Variants in DPPA4 observed in about 807,000 individuals in gnomAD.
The protein encoded by DPPA4 is developmental pluripotency associated 4.
Under a neutral mutation model 33.7 loss-of-function variants are expected in DPPA4, and 22 were observed. The observed-to-expected ratio is 0.65, with a 90% CI of 0.47 to 0.93. The LOEUF (loss-of-function observed/expected upper bound fraction) is 0.93, where lower values mean the gene tolerates loss of function less well. Among genes scored for constraint, DPPA4 ranks in the 40% least tolerant of loss-of-function variants. The pLI is 0.00. For missense variants in DPPA4, 340 were observed against 358.6 expected (o/e 0.95, Z 0.42); for synonymous variants, 156 against 132.3 (o/e 1.18, Z -1.23).
chr3:109,331,372 C>T (rs1708072648), intron 4 of DPPA4, among the ~76,000 whole-genome samples: 1 of 148,070 alleles, frequency 6.8e-6, no homozygotes, highest in African/African-American at 2.5e-5. Context: ...GCCTGTAATC[C>T]CAGCACTTTG....
At chr3:109,335,144 AT>A (rs1005973230) in intron 1 of DPPA4, among the ~76,000 whole-genome samples, 1 of 152,134 alleles carries the variant, frequency 6.6e-6, no homozygotes, top group African/African-American at 2.4e-5. Context: ...CCTCACTTTC[AT>A]TTTTTTAAAA....
intron 2 of DPPA4, among the ~76,000 whole-genome samples, chr3:109,333,117 G>T (rs769888085): frequency 6.6e-6 from 1 of 152,064 alleles, no homozygotes; most frequent in African/African-American, 2.4e-5. Flanking sequence ...CAAGGCAGAC[G>T]ATCACTTGAG....
chr3:109,327,907 A>G lies in DPPA4; in HGVS notation c.*81T>C, dbSNP rs1244441618. On this transcript the variant is annotated 3_prime_UTR_variant, in exon 7 of 7. Transcript: ENST00000335658. Reference sequence around the variant, plus strand: ...AAACAGGTGCAGAGGACCAGAGTTCACCTGTCAGCAGCACCGCAGAATCCA... The same window carrying G: ...AAACAGGTGCAGAGGACCAGAGTTCGCCTGTCAGCAGCACCGCAGAATCCA... 9.7e-7 allele frequency: 1 copy of G among 1,026,310 alleles called. No homozygotes were observed. Among genetic ancestry groups the G allele is most frequent in the East Asian group, 2.4e-5 (1 of 42,248 alleles). The allele number at this position is 1,026,310 out of a possible 1,614,324, so 63.6% of individuals were successfully genotyped here.
chr3:109,327,376 A>T lies in DPPA4; in HGVS notation c.*612T>A, dbSNP rs1268279887. On this transcript the variant is annotated 3_prime_UTR_variant, in exon 7 of 7. Coordinates refer to ENST00000335658, the MANE Select transcript of DPPA4 (RefSeq NM_018189.4). ...AATGCTTAGCTGAAGAACTCACTTA[A>T]AAGAGCTGTTGAAGGTCAGGCGCAG... The T allele has an allele frequency of 2.0e-5, 3 of 152,262 alleles. No individual in the cohort carries two copies. In the East Asian group the frequency reaches 5.8e-4, roughly 29 times the overall value. 9.4% of individuals were successfully genotyped at this position (152,262 alleles called of 1,614,324 possible).
chr3:109,326,308 C>G lies in DPPA4; in HGVS notation c.*1680G>C, dbSNP rs1387736381. The G allele has an allele frequency of 6.6e-6, 1 of 151,810 alleles. No individual in the cohort carries two copies. Among genetic ancestry groups the G allele is most frequent in the Non-Finnish European group, 1.5e-5 (1 of 67,964 alleles). The allele number at this position is 151,810 out of a possible 1,614,324, so 9.4% of individuals were successfully genotyped here. A position where few individuals can be genotyped will look rare whatever the true frequency, so the allele number is the denominator to read the frequency against. On this transcript the variant is annotated 3_prime_UTR_variant, in exon 7 of 7. Coordinates refer to ENST00000335658, the MANE Select transcript of DPPA4 (RefSeq NM_018189.4). ...AGAAACTTGACCCATCCAAATAAAGCAGGGGAGAAGTTTAAAAAGGAAACA... is the reference window on the plus strand; with the variant it reads ...AGAAACTTGACCCATCCAAATAAAGGAGGGGAGAAGTTTAAAAAGGAAACA...
chr3:109,336,211 G>C (rs1329489428), intron 1 of DPPA4: 2 of 151,518 alleles, frequency 1.3e-5, no homozygotes, highest in Non-Finnish European at 2.9e-5. Flanking sequence ...TCACTTTCAG[G>C]GTGGATTACT....
At chr3:109,331,260 C>CAAAAAAAAAAAAAAA (rs10593582) in intron 4 of DPPA4, among the ~76,000 whole-genome samples, 14 of 58,390 alleles carry the variant, frequency 2.4e-4, no homozygotes, top group Non-Finnish European at 2.5e-4. Flanking sequence ...GACTCTGTCT[C>CAAAAAAAAAAAAAAA]AAAAAAAAAA....
At chr3:109,337,842 A>G (rs1708244778), upstream of DPPA4, among the ~76,000 whole-genome samples, 1 of 152,184 alleles carries the variant, frequency 6.6e-6, no homozygotes. Flanking sequence ...ACAAAAAACA[A>G]AAAAACAGTG....
At chr3:109,333,101 G>A (rs560591864) in intron 2 of DPPA4, among the ~76,000 whole-genome samples, 7 of 152,104 alleles carry the variant, frequency 4.6e-5, no homozygotes, top group Non-Finnish European at 8.8e-5. Flanking sequence ...CAGCACTTTA[G>A]GAGGCCAAGG....
intron 1 of DPPA4, among the ~76,000 whole-genome samples, chr3:109,334,426 TGTA>T (rs1391503932): frequency 6.6e-6 from 1 of 151,998 alleles, no homozygotes; most frequent in Non-Finnish European, 1.5e-5. Context: ...GGTGTGTGCG[TGTA>T]GTCCAGCTAC....
In DPPA4 at chr3:109,326,560, AT is replaced by A. The variant is rs1191009324; in HGVS notation, c.*1427del. On this transcript the variant is annotated 3_prime_UTR_variant, in exon 7 of 7. Transcript: ENST00000335658. ...ACTCTTCCACTCCTTCCAGTGCATT[AT>A]TTTTAGTATCTTCATTAAACGGGCA... 2.0e-5 allele frequency: 3 copies of A among 151,662 alleles called. No homozygotes were observed. The highest frequency in any genetic ancestry group is 4.4e-5 in the Non-Finnish European group (3 of 68,006). The allele number at this position is 151,662 out of a possible 1,614,324, so 9.4% of individuals were successfully genotyped here. A position where few individuals can be genotyped will look rare whatever the true frequency, so the allele number is the denominator to read the frequency against.
chr3:109,327,857 C>A lies in DPPA4; in HGVS notation c.*131G>T. ...CTAGGGGTCTTAGGCTAACATCTGC[C>A]ACCCCACCAGTCTGCATGGCCCATA... On this transcript the variant is annotated 3_prime_UTR_variant, in exon 7 of 7. Transcript: ENST00000335658. 1.5e-6 allele frequency: 1 copy of A among 668,854 alleles called. No individual in the cohort carries two copies. The highest frequency in any genetic ancestry group is 2.6e-6 in the Non-Finnish European group (1 of 378,158). 41.4% of individuals were successfully genotyped at this position (668,854 alleles called of 1,614,324 possible).
chr3:109,337,153 G>A (rs1426043609), intron 1 of DPPA4, among the ~76,000 whole-genome samples: 1 of 151,494 alleles, frequency 6.6e-6, no homozygotes, highest in Middle Eastern at 3.5e-3. Context: ...GCCCGCCTCG[G>A]CTGCCCAAAG....
rs1000008328 is a variant in DPPA4 at position 109,337,546 on chromosome 3, T to C, written c.-29A>G. The C allele has an allele frequency of 6.2e-7, 1 of 1,612,852 alleles. No individual in the cohort carries two copies. The highest frequency in any genetic ancestry group is 2.2e-5 in the East Asian group (1 of 44,848). Reference sequence around the variant, plus strand: ...TCCAAAATGGCCCCTGCCCCAAGATTGCTATTTGCAAAGTCTCCTCCCACT... The same window carrying C: ...TCCAAAATGGCCCCTGCCCCAAGATCGCTATTTGCAAAGTCTCCTCCCACT... On this transcript the variant is annotated 5_prime_UTR_variant, in exon 1 of 7. Coordinates refer to ENST00000335658, the MANE Select transcript of DPPA4 (RefSeq NM_018189.4).
intron 4 of DPPA4, 101 bp from the exon 5 acceptor site, chr3:109,330,913 G>T (rs1272074615): frequency 1.9e-6 from 2 of 1,072,774 alleles, no homozygotes; most frequent in Admixed American, 2.7e-5. Flanking sequence ...CACTTAGGAG[G>T]ACTAGGTTCA....
Position 109,333,940 on chromosome 3 carries a change from T to C in DPPA4, c.108A>G (p.Pro36=). The change falls in exon 2 of 7, where the codon CCA becomes CCG. Residue 36 remains proline (P), a synonymous_variant. Transcript: ENST00000335658. The part of the protein sequence containing the change: ...REEDQQASNQ[P]NSIALPGTSA... ...ATGTTCCTGGCAAAGCAATTGAATT[T>C]GGTTGATTAGAAGCCTGCTGATCCT... 1 of 1,614,198 alleles carries C rather than the reference T, an allele frequency of 6.2e-7. No individual in the cohort carries two copies. Among genetic ancestry groups the C allele is most frequent in the Non-Finnish European group, 8.5e-7 (1 of 1,180,024 alleles).
Position 109,337,532 on chromosome 3 carries a change from C to A in DPPA4, c.-15G>T, listed in dbSNP as rs1576841825. 6.2e-7 allele frequency: 1 copy of A among 1,613,948 alleles called. No homozygotes were observed. On this transcript the variant is annotated 5_prime_UTR_variant, in exon 1 of 7. Coordinates refer to ENST00000335658, the MANE Select transcript of DPPA4 (RefSeq NM_018189.4). The stretch of plus-strand genomic sequence containing the variant: ...CCTCGCAACATGCTTCCAAAATGGC[C>A]CCTGCCCCAAGATTGCTATTTGCAA...
intron 2 of DPPA4, among the ~76,000 whole-genome samples, chr3:109,333,149 T>C (rs973743330): frequency 7.2e-5 from 11 of 152,044 alleles, no homozygotes; most frequent in Admixed American, 4.6e-4. Flanking sequence ...GCAATCAGCC[T>C]GGCCAATATG....
chr3:109,337,739 C>A (rs1173040489), upstream of DPPA4, among the ~76,000 whole-genome samples: 1 of 152,018 alleles, frequency 6.6e-6, no homozygotes, highest in African/African-American at 2.4e-5. Flanking sequence ...CTTTTCTGTT[C>A]ACTTTAAATG....
Sources: gnomAD v4.1 joint callset for allele counts (sites outside exome capture counted in the v4.1 genomes callset) on GRCh38, gnomAD v4.1.1 for gene constraint, MANE v1.5 for transcripts, NCBI Gene and HGNC (gene_info 2026-07-23, HGNC 2026-07-21) for gene names.